The following NEK1 variants were observed in gnomAD, a reference collection of about 807,000 sequenced individuals.
NEK1 encodes the protein serine/threonine-protein kinase Nek1.
In NEK1, 137 loss-of-function variants were observed where a neutral mutation model predicts 182.1. The ratio of observed to expected loss-of-function variants is 0.75; its 90% confidence interval spans 0.65 to 0.87. The LOEUF (loss-of-function observed/expected upper bound fraction) is 0.87, where lower values mean the gene tolerates loss of function less well. NEK1 is among the 40% of genes least tolerant of loss of function. NEK1 has a pLI of 0.00. For synonymous variants in NEK1, 513 were observed against 492.2 expected, an observed-to-expected ratio of 1.04 and a Z score of -0.56; for missense variants, 1,391 against 1,494.4, an observed-to-expected ratio of 0.93 and a Z score of 1.14.
At chr4:169,556,665 T>C (rs1383085242) in intron 16 of NEK1, among the ~76,000 whole-genome samples, 1 of 151,522 alleles carries the variant, frequency 6.6e-6, no homozygotes, top group Admixed American at 6.6e-5. Context: ...TAGAAAAACA[T>C]TCAATTCTAT....
At chr4:169,570,691 T>C (rs541988805) in intron 12 of NEK1, among the ~76,000 whole-genome samples, 3 of 152,232 alleles carry the variant, frequency 2.0e-5, no homozygotes, top group Non-Finnish European at 4.4e-5. Flanking sequence ...CAGCGGCTCA[T>C]TGAGAACCAG....
intron 18 of NEK1, among the ~76,000 whole-genome samples, chr4:169,551,950 G>T (rs749391475): frequency 6.6e-6 from 1 of 152,014 alleles, no homozygotes; most frequent in Admixed American, 6.6e-5. Flanking sequence ...ACAGAAATAC[G>T]TGAAAATTCT....
intron 33 of NEK1, 129 bp from the exon 34 acceptor site, chr4:169,400,780 G>T: frequency 3.3e-6 from 2 of 613,728 alleles, no homozygotes; most frequent in Non-Finnish European, 5.0e-6. Context: ...ATTATAAACA[G>T]TTTTTGTCAT....
At chr4:169,551,650 G>T (rs1372145160) in intron 18 of NEK1, among the ~76,000 whole-genome samples, 3 of 152,060 alleles carry the variant, frequency 2.0e-5, no homozygotes, top group Non-Finnish European at 4.4e-5. Context: ...GAAAAGGTAT[G>T]CAAGAAAATT....
chr4:169,572,150 G>A (rs1233215310), intron 12 of NEK1, among the ~76,000 whole-genome samples: 4 of 152,118 alleles, frequency 2.6e-5, no homozygotes, highest in Non-Finnish European at 5.9e-5. Flanking sequence ...CTGCTCACAT[G>A]AGAACAGACT....
At position 169,561,844 on chromosome 4, in the gene NEK1, TTTC is replaced by T. The variant is rs1561417552; in HGVS notation, c.1125_1127del (p.Lys376del). Reference sequence around the variant, plus strand: ...AGCAAAAAACTACCTGATCCTTTTGTTTCTTTTCTTTTTCAATAAATTCCAGCC... The same window carrying T: ...AGCAAAAAACTACCTGATCCTTTTGTTTTTCTTTTTCAATAAATTCCAGCC... On this transcript the variant is annotated inframe_deletion, in exon 14 of 36. Coordinates refer to ENST00000507142, the MANE Select transcript of NEK1 (RefSeq NM_001199397.3). 1.2e-6 allele frequency: 2 copies of T among 1,610,384 alleles called. No individual in the cohort carries two copies. The highest frequency in any genetic ancestry group is 2.2e-5 in the South Asian group (2 of 89,672).
intron 2 of NEK1, among the ~76,000 whole-genome samples, chr4:169,608,976 G>A (rs1258372054): frequency 2.7e-5 from 4 of 149,654 alleles, no homozygotes; most frequent in Non-Finnish European, 5.9e-5. Context: ...CAGGAGAATC[G>A]CTTGAACCTG....
At chr4:169,478,674 T>C (rs1350735059) in intron 24 of NEK1, among the ~76,000 whole-genome samples, 1 of 151,962 alleles carries the variant, frequency 6.6e-6, no homozygotes, top group Non-Finnish European at 1.5e-5. Flanking sequence ...ACTAAACAAA[T>C]AAAAAGCACA....
chr4:169,400,822 AT>A (rs1429666796), intron 33 of NEK1, among the ~76,000 whole-genome samples, 171 bp from the exon 34 acceptor site: 6 of 152,184 alleles, frequency 3.9e-5, no homozygotes, highest in African/African-American at 1.2e-4. Context: ...GGCAAAAAAA[AT>A]GTATAAATCT....
chr4:169,546,144 C>T (rs550146923), intron 18 of NEK1, among the ~76,000 whole-genome samples: 1 of 152,194 alleles, frequency 6.6e-6, no homozygotes, highest in African/African-American at 2.4e-5. Flanking sequence ...TCCCTCTACA[C>T]ACTGCTTTAA....
chr4:169,519,561 G>C (rs1437139341), intron 19 of NEK1, among the ~76,000 whole-genome samples: 9 of 101,952 alleles, frequency 8.8e-5, no homozygotes, highest in African/African-American at 3.4e-4. Flanking sequence ...GATGTTAGCT[G>C]GTTATTTTGC....
chr4:169,443,506 AG>A (rs1213662401), intron 27 of NEK1, among the ~76,000 whole-genome samples: 10 of 152,066 alleles, frequency 6.6e-5, no homozygotes, highest in Admixed American at 6.6e-4. Flanking sequence ...AGAAAAAAAA[AG>A]AATGGAAGTC....
At chr4:169,504,371 C>T (rs1437379445) in intron 23 of NEK1, among the ~76,000 whole-genome samples, 1 of 152,094 alleles carries the variant, frequency 6.6e-6, no homozygotes, top group African/African-American at 2.4e-5. Context: ...TCTAGCAATC[C>T]CACTGCTAGG....
intron 16 of NEK1, among the ~76,000 whole-genome samples, chr4:169,561,247 T>C (rs898367750): frequency 6.6e-6 from 1 of 152,178 alleles, no homozygotes; most frequent in Non-Finnish European, 1.5e-5. Context: ...TATCATAGTC[T>C]TCACAAAAAA....
chr4:169,401,897 T>A (rs1731757194), intron 32 of NEK1, 37 bp from the exon 33 acceptor site: 1 of 1,515,860 alleles, frequency 6.6e-7, no homozygotes, highest in African/African-American at 1.4e-5. Flanking sequence ...GTTTCAAACA[T>A]ACTGAAATTT....
At chr4:169,549,794 A>G (rs1341410976) in intron 18 of NEK1, among the ~76,000 whole-genome samples, 1 of 152,056 alleles carries the variant, frequency 6.6e-6, no homozygotes, top group Non-Finnish European at 1.5e-5. Context: ...ATCTCAGCTC[A>G]CTGCCACCTC....
At position 169,400,553 on chromosome 4, in the gene NEK1, C is replaced by G. The variant is rs1731485213; in HGVS notation, c.3682G>C (p.Glu1228Gln). The G allele has an allele frequency of 2.5e-6, 4 of 1,604,710 alleles. No homozygotes were observed. In the South Asian group the frequency reaches 4.5e-5, roughly 18 times the overall value. Residue 1228 changes from glutamate to glutamine, a missense_variant, in exon 34 of 36, where the codon GAA becomes CAA. By Grantham distance (29) the Glu-to-Gln change is conservative (BLOSUM62 2). Coordinates refer to ENST00000507142, the MANE Select transcript of NEK1 (RefSeq NM_001199397.3). ...RLHLEQEMGF[E>Q]KFFEVYEKIK... ...TTCTCATAAACCTCAAAGAATTTTT[C>G]AAAGCCCATTTCCTGCTCCAGATGA...
chr4:169,601,402 C>A (rs559670328), intron 4 of NEK1, among the ~76,000 whole-genome samples: 1 of 152,148 alleles, frequency 6.6e-6, no homozygotes, highest in African/African-American at 2.4e-5. Context: ...TTTAGAGAAG[C>A]TTTGCCTTAT....
chr4:169,471,175 T>G (rs553769682), intron 26 of NEK1, among the ~76,000 whole-genome samples: 3 of 152,096 alleles, frequency 2.0e-5, no homozygotes, highest in African/African-American at 7.2e-5. Context: ...TGGCAAGGAG[T>G]TGTGATACTT....
Sources: allele counts gnomAD v4.1 joint callset (sites outside exome capture counted in the v4.1 genomes callset), GRCh38; gene constraint gnomAD v4.1.1; transcripts MANE v1.5; gene names NCBI Gene and HGNC (gene_info 2026-07-23, HGNC 2026-07-21).